ARAP2: variants seen among roughly 807,000 people sequenced by gnomAD.
ARAP2 encodes arf-GAP with Rho-GAP domain, ANK repeat and PH domain-containing protein 2.
A neutral mutation model predicts 194.5 loss-of-function variants in ARAP2; 148 were observed. The ratio of observed to expected loss-of-function variants is 0.76; its 90% CI spans 0.67 to 0.87. The LOEUF (loss-of-function observed/expected upper bound fraction) is 0.87. Ranked by LOEUF, ARAP2 falls within the 40% of genes least tolerant of loss-of-function variation. ARAP2 has a pLI of 0.00. For missense variants in ARAP2, 2,128 were observed against 1,989.7 expected (o/e 1.07, Z -1.32); for synonymous variants, 695 against 683.5 (o/e 1.02, Z -0.26).
intron 28 of ARAP2, among the ~76,000 whole-genome samples, chr4:36,088,327 C>A (rs1302119094): frequency 6.6e-6 from 1 of 152,060 alleles, no homozygotes; most frequent in Non-Finnish European, 1.5e-5. Context: ...CTATCAGATT[C>A]AGTTCTAGCT....
At chr4:36,191,136 C>G (rs763204955) in intron 7 of ARAP2, among the ~76,000 whole-genome samples, 6 of 151,672 alleles carry the variant, frequency 4.0e-5, no homozygotes, top group Non-Finnish European at 8.8e-5. Flanking sequence ...AGTTTATCCC[C>G]TACGTGATCT....
rs1181898359 is a variant in ARAP2 at position 36,014,324 on chromosome 4, G to GAGAAAGAAAGAA, written n.1056+1050_1056+1061dup. On this transcript the variant is annotated intron_variant and non_coding_transcript_variant, in intron 8 of 12. Transcript: ENST00000503225. ...AGAGAAGGAAGGAAAGAAAGAAAGAGAGAAAGAAAGAAAGAAAGAAAGAAA... is the reference window on the plus strand; with the variant it reads ...AGAGAAGGAAGGAAAGAAAGAAAGAGAGAAAGAAAGAAAGAAAGAAAGAAAGAAAGAAAGAAA... 3.2e-4 allele frequency among the ~76,000 whole-genome samples: 35 copies of GAGAAAGAAAGAA among 109,848 alleles called. 1 individual carries two copies. The highest frequency in any genetic ancestry group is 4.5e-3 in the Middle Eastern group (1 of 224). The allele number at this position is 109,848 out of a possible 152,430, so 72.1% of individuals were successfully genotyped here. A position where few individuals can be genotyped will look rare whatever the true frequency, so the allele number is the denominator to read the frequency against.
chr4:36,055,204 G>A (rs997830662), intron 2 of ARAP2, among the ~76,000 whole-genome samples: 8 of 152,100 alleles, frequency 5.3e-5, no homozygotes, highest in African/African-American at 7.2e-5. Context: ...GAGATTTAGC[G>A]TTTCCACTAA....
chr4:36,033,976 T>C (rs183698038), intron 5 of ARAP2, among the ~76,000 whole-genome samples: 191 of 152,302 alleles, frequency 1.3e-3, no homozygotes, highest in Admixed American at 5.0e-3. Flanking sequence ...AGCCTATTTC[T>C]GGGTTCTCTA....
intron 26 of ARAP2, 132 bp downstream of exon 26, chr4:36,114,038 A>G: frequency 1.4e-6 from 1 of 701,350 alleles, no homozygotes; most frequent in South Asian, 1.8e-5. Flanking sequence ...TCAAACATAT[A>G]TTAATACATG....
chr4:36,192,174 T>C (rs967691508), intron 7 of ARAP2, among the ~76,000 whole-genome samples: 29 of 144,204 alleles, frequency 2.0e-4, no homozygotes, highest in Non-Finnish European at 3.1e-4. Context: ...TTCTGTTTTT[T>C]TTTTTTTTTT....
intron 1 of ARAP2, among the ~76,000 whole-genome samples, chr4:36,058,499 A>C (rs1345947253): frequency 6.6e-6 from 1 of 152,186 alleles, no homozygotes; most frequent in Non-Finnish European, 1.5e-5. Flanking sequence ...AGCAGCTATA[A>C]AATATTAGCC....
intron 1 of ARAP2, among the ~76,000 whole-genome samples, chr4:36,238,465 A>G (rs1219718496): frequency 2.0e-5 from 3 of 152,208 alleles, no homozygotes; most frequent in Non-Finnish European, 4.4e-5. Context: ...TGTGCTATAA[A>G]CTGTAAAGCC....
At chr4:36,190,468 C>T (rs2109905442) in intron 7 of ARAP2, among the ~76,000 whole-genome samples, 1 of 152,286 alleles carries the variant, frequency 6.6e-6, no homozygotes, top group South Asian at 2.1e-4. Context: ...TAATCAATCA[C>T]AATTATAACA....
intron 20 of ARAP2, among the ~76,000 whole-genome samples, chr4:36,133,008 T>C (rs1725787629): frequency 6.6e-6 from 1 of 151,786 alleles, no homozygotes; most frequent in African/African-American, 2.4e-5. Flanking sequence ...ATTTTATGCA[T>C]ATAAAGGAAG....
At chr4:36,070,252 A>G (rs1726518289) in intron 32 of ARAP2, among the ~76,000 whole-genome samples, 1 of 152,232 alleles carries the variant, frequency 6.6e-6, no homozygotes, top group African/African-American at 2.4e-5. Flanking sequence ...AGAATTTTGC[A>G]TGAATAATAT....
At chr4:36,212,537 T>C (rs1283695986) in intron 4 of ARAP2, 50 bp from the exon 5 acceptor site, 9 of 1,368,604 alleles carry the variant, frequency 6.6e-6, no homozygotes, top group Non-Finnish European at 8.2e-6. Flanking sequence ...TGCTTTTTGG[T>C]TTGGGGATTT....
chr4:36,020,032 T>C (rs552161882), intron 5 of ARAP2, among the ~76,000 whole-genome samples: 51 of 152,330 alleles, frequency 3.3e-4, no homozygotes, highest in Middle Eastern at 3.4e-3. Flanking sequence ...ACAATATCTA[T>C]ATGCCAGCAT....
chr4:36,221,771 T>C (rs1749223179), intron 2 of ARAP2, among the ~76,000 whole-genome samples: 1 of 152,164 alleles, frequency 6.6e-6, no homozygotes, highest in Non-Finnish European at 1.5e-5. Context: ...AGTAGCAACT[T>C]ACATTTTCAT....
intron 20 of ARAP2, among the ~76,000 whole-genome samples, chr4:36,131,622 C>T (rs146182925): frequency 6.6e-6 from 1 of 151,690 alleles, no homozygotes; most frequent in South Asian, 2.1e-4. Context: ...TAAATAAACA[C>T]AAGGAAAATT....
rs184829031 is a variant in ARAP2, at chr4:36,167,185, A to G, written c.1858-138T>C. The G allele has an allele frequency of 1.0e-5, 6 of 583,826 alleles. No individual in the cohort carries two copies. In the Admixed American group the frequency reaches 1.6e-4, roughly 16 times the overall value. 36.2% of individuals were successfully genotyped at this position (583,826 alleles called of 1,614,324 possible). A position where few individuals can be genotyped will look rare whatever the true frequency, so the allele number is the denominator to read the frequency against. On this transcript the variant is annotated intron_variant, in intron 9 of 32. Coordinates refer to ENST00000303965, the MANE Select transcript of ARAP2 (RefSeq NM_015230.4). ...GTCTCACTTTAGGTAGCCACTCTCA[A>G]TACATAATAGCACTGGGCCAACTTA...
rs749970580 is a variant in ARAP2, at chr4:36,073,813, T to C, written c.4619A>G (p.Asp1540Gly). Residue 1540 changes from aspartate (D) to glycine (G), a missense_variant, in exon 32 of 33, where the codon GAT (aspartate) becomes GGT (glycine). Transcript: ENST00000303965. ...TTCCTTTCCAGCTGGTGGCCATATATCATATTCATGCTGTGGAAACACAAT... is the reference window on the plus strand; with the variant it reads ...TTCCTTTCCAGCTGGTGGCCATATACCATATTCATGCTGTGGAAACACAAT... ...TSIFIAQHEY[D>G]IWPPAGKERK... The C allele has an allele frequency of 1.1e-5, 17 of 1,612,970 alleles. No homozygotes were observed. Among genetic ancestry groups the C allele is most frequent in the Non-Finnish European group, 1.4e-5 (17 of 1,179,152 alleles).
intron 8 of ARAP2, among the ~76,000 whole-genome samples, chr4:36,013,882 T>C (rs1577529092): frequency 6.6e-6 from 1 of 152,092 alleles, no homozygotes; most frequent in South Asian, 2.1e-4. Flanking sequence ...ATTAAATAAA[T>C]AAGTTAGAAC....
In ARAP2 at chr4:36,210,459, T is replaced by C. The variant is rs1185141255; in HGVS notation, c.1418A>G (p.Tyr473Cys). ...SAVSSQAISP[Y>C]ACFYGASAKK... ...TGCAGATGCTCCATAAAAGCAGGCATAGGGAGATATTGCCTGTGAAGAAAC... is the reference window on the plus strand; with the variant it reads ...TGCAGATGCTCCATAAAAGCAGGCACAGGGAGATATTGCCTGTGAAGAAAC... The change falls in exon 6 of 33, where the codon TAT (tyrosine) becomes TGT (cysteine). Residue 473 changes from tyrosine to cysteine, a missense_variant. Coordinates refer to ENST00000303965, the MANE Select transcript of ARAP2 (RefSeq NM_015230.4). 4 of 1,613,898 alleles carry C rather than the reference T, an allele frequency of 2.5e-6. No homozygotes were observed. The highest frequency in any genetic ancestry group is 3.4e-6 in the Non-Finnish European group (4 of 1,179,836).
Sources: gnomAD v4.1 joint callset for allele counts (sites outside exome capture counted in the v4.1 genomes callset) on GRCh38, gnomAD v4.1.1 for gene constraint, MANE v1.5 for transcripts, NCBI Gene and HGNC (gene_info 2026-07-23, HGNC 2026-07-21) for gene names.